The following VKORC1L1 variants were observed in gnomAD, a reference collection of about 807,000 sequenced individuals.
The protein encoded by VKORC1L1 is vitamin K epoxide reductase complex subunit 1-like protein 1.
Under a neutral mutation model 18.9 loss-of-function variants are expected in VKORC1L1, and 2 were observed. The observed-to-expected ratio is 0.11, with a 90% CI of 0.04 to 0.33. The LOEUF is 0.33. VKORC1L1 is among the 10% of genes least tolerant of loss of function. VKORC1L1 has a pLI of 1.00. For synonymous variants in VKORC1L1, 96 were observed against 100.0 expected, an observed-to-expected ratio of 0.96 and a Z score of 0.24; for missense variants, 123 against 224.1, an observed-to-expected ratio of 0.55 and a Z score of 2.88.
At chr7:65,914,764 T>C (rs1789558424) in intron 1 of VKORC1L1, among the ~76,000 whole-genome samples, 1 of 152,150 alleles carries the variant, frequency 6.6e-6, no homozygotes, top group East Asian at 1.9e-4. Context: ...CTTTGAGAGG[T>C]TGAAGCGGGA....
At chr7:65,873,969 C>T (rs1788780384) in intron 1 of VKORC1L1, among the ~76,000 whole-genome samples, 1 of 152,086 alleles carries the variant, frequency 6.6e-6, no homozygotes, top group Admixed American at 6.5e-5. Flanking sequence ...GGACCTTGTC[C>T]ACCGCACCCT....
chr7:65,941,227 T>C (rs151259670), intron 1 of VKORC1L1, among the ~76,000 whole-genome samples: 161 of 152,314 alleles, frequency 1.1e-3, no homozygotes, highest in African/African-American at 3.8e-3. Context: ...GTGATCAGCC[T>C]TCCAAGTAGC....
At chr7:65,948,066 C>A (rs968730342) in intron 1 of VKORC1L1, among the ~76,000 whole-genome samples, 4 of 152,140 alleles carry the variant, frequency 2.6e-5, no homozygotes, top group Non-Finnish European at 5.9e-5. Context: ...ACTTTTCAAT[C>A]TATATTCTTT....
chr7:65,938,140 G>A (rs1159425122), intron 1 of VKORC1L1, among the ~76,000 whole-genome samples: 18 of 152,110 alleles, frequency 1.2e-4, no homozygotes, highest in Admixed American at 6.6e-4. Flanking sequence ...CCCAGGAGGC[G>A]GAGGTTACAG....
At chr7:65,902,535 G>A (rs1159398895) in intron 1 of VKORC1L1, among the ~76,000 whole-genome samples, 3 of 152,116 alleles carry the variant, frequency 2.0e-5, no homozygotes, top group Non-Finnish European at 4.4e-5. Context: ...TCTAACATAT[G>A]TGTAATTGGA....
chr7:65,912,566 T>G (rs918198330), intron 1 of VKORC1L1, among the ~76,000 whole-genome samples: 1 of 152,204 alleles, frequency 6.6e-6, no homozygotes, highest in Non-Finnish European at 1.5e-5. Flanking sequence ...GGCAGTATGT[T>G]CCTCAACAGC....
At chr7:65,880,617 A>C (rs1185524375) in intron 1 of VKORC1L1, among the ~76,000 whole-genome samples, 2 of 152,080 alleles carry the variant, frequency 1.3e-5, no homozygotes, top group Admixed American at 1.3e-4. Context: ...GGAGAATTGG[A>C]CCTGAGGTGT....
intron 1 of VKORC1L1, among the ~76,000 whole-genome samples, chr7:65,900,619 G>C (rs374484976): frequency 6.6e-6 from 1 of 151,760 alleles, no homozygotes; most frequent in Non-Finnish European, 1.5e-5. Flanking sequence ...CCTGGCCAAC[G>C]AGGTGAAACC....
At chr7:65,900,761 C>A (rs757825091) in intron 1 of VKORC1L1, among the ~76,000 whole-genome samples, 7 of 151,446 alleles carry the variant, frequency 4.6e-5, no homozygotes, top group African/African-American at 1.7e-4. Flanking sequence ...GCCAAGATTG[C>A]GCCATTGAAC....
chr7:65,872,227 A>T (rs1266800472), upstream of VKORC1L1, among the ~76,000 whole-genome samples: 5 of 151,362 alleles, frequency 3.3e-5, no homozygotes, highest in Non-Finnish European at 7.4e-5. Flanking sequence ...CTTCGTCCTG[A>T]TTGTATTAGC....
chr7:65,920,423 G>A (rs370806711), intron 1 of VKORC1L1, among the ~76,000 whole-genome samples: 1 of 152,116 alleles, frequency 6.6e-6, no homozygotes, highest in South Asian at 2.1e-4. Context: ...CTACACACTG[G>A]GGACTCACTG....
intron 2 of VKORC1L1, among the ~76,000 whole-genome samples, chr7:65,951,764 G>C (rs1177063314): frequency 6.6e-6 from 1 of 151,918 alleles, no homozygotes; most frequent in Non-Finnish European, 1.5e-5. Context: ...AAATATAAAA[G>C]GCAGATGCTA....
intron 1 of VKORC1L1, among the ~76,000 whole-genome samples, chr7:65,919,838 A>G (rs1241684657): frequency 6.6e-6 from 1 of 152,156 alleles, no homozygotes; most frequent in Non-Finnish European, 1.5e-5. Context: ...CGGGCAGATC[A>G]CAAGGTCAGG....
upstream of VKORC1L1, among the ~76,000 whole-genome samples, chr7:65,868,500 A>G (rs2116303095): frequency 6.6e-6 from 1 of 152,362 alleles, no homozygotes; most frequent in East Asian, 1.9e-4. Flanking sequence ...AGAAATCAAT[A>G]TATCAAAAAG....
chr7:65,871,245 G>C (rs1240084625), upstream of VKORC1L1, among the ~76,000 whole-genome samples: 1 of 151,826 alleles, frequency 6.6e-6, no homozygotes, highest in African/African-American at 2.4e-5. Context: ...AGCCAGGCTG[G>C]AGTGCAATGG....
chr7:65,881,067 C>G (rs1788920481), intron 1 of VKORC1L1, among the ~76,000 whole-genome samples: 1 of 152,044 alleles, frequency 6.6e-6, no homozygotes, highest in Admixed American at 6.6e-5. Flanking sequence ...GCACATATTC[C>G]CAAATCTGAA....
chr7:65,900,175 G>A (rs1201219504), intron 1 of VKORC1L1, among the ~76,000 whole-genome samples: 1 of 150,440 alleles, frequency 6.6e-6, no homozygotes, highest in East Asian at 2.0e-4. Context: ...AGATCACAAG[G>A]TCAGGAGATC....
intron 1 of VKORC1L1, among the ~76,000 whole-genome samples, chr7:65,918,163 G>A (rs572730423): frequency 1.2e-4 from 19 of 152,232 alleles, no homozygotes; most frequent in African/African-American, 4.1e-4. Context: ...TGATTCTTTT[G>A]TTCTACTACA....
At chr7:65,932,967 A>G (rs1168249326) in intron 1 of VKORC1L1, among the ~76,000 whole-genome samples, 1 of 151,566 alleles carries the variant, frequency 6.6e-6, no homozygotes, top group Non-Finnish European at 1.5e-5. Context: ...AATCCCAGCT[A>G]CTCGGGAGGC....
Sources: gnomAD v4.1 joint callset for allele counts (sites outside exome capture counted in the v4.1 genomes callset) on GRCh38, gnomAD v4.1.1 for gene constraint, MANE v1.5 for transcripts, NCBI Gene and HGNC (gene_info 2026-07-23, HGNC 2026-07-21) for gene names.